The following RBFOX1 variants were observed in gnomAD, a reference collection of about 807,000 sequenced individuals.
The protein encoded by RBFOX1 is RNA binding protein fox-1 homolog 1.
A neutral mutation model predicts 57.7 loss-of-function variants in RBFOX1; 8 were observed. That is an observed-to-expected ratio of 0.14 (90% CI 0.08 to 0.25). The LOEUF (loss-of-function observed/expected upper bound fraction) is 0.25, where lower values mean the gene tolerates loss of function less well. Among genes scored for constraint, RBFOX1 ranks in the 10% least tolerant of loss-of-function variants. RBFOX1 has a pLI of 1.00. For missense variants in RBFOX1, 611 were observed against 548.5 expected, an observed-to-expected ratio of 1.11 and a Z score of -1.14; for synonymous variants, 326 against 222.4, an observed-to-expected ratio of 1.47 and a Z score of -4.15.
chr16:7,352,234 G>C (rs1037023230), intron 4 of RBFOX1, among the ~76,000 whole-genome samples: 1 of 152,168 alleles, frequency 6.6e-6, no homozygotes, highest in Non-Finnish European at 1.5e-5. Flanking sequence ...TTTCCCAAGA[G>C]GTGAACTGGA....
chr16:7,619,816 A>G (rs1337531517), intron 10 of RBFOX1, among the ~76,000 whole-genome samples: 4 of 152,158 alleles, frequency 2.6e-5, no homozygotes, highest in Non-Finnish European at 5.9e-5. Context: ...TTTAGGAACA[A>G]GCTATGACAT....
intron 4 of RBFOX1, among the ~76,000 whole-genome samples, chr16:7,192,795 A>T (rs2085747086): frequency 2.6e-5 from 4 of 152,230 alleles, no homozygotes; most frequent in African/African-American, 9.7e-5. Flanking sequence ...ATTTCAAAAT[A>T]AATACAACAT....
chr16:5,941,548 C>T (rs976273814), intron 4 of RBFOX1, among the ~76,000 whole-genome samples: 1 of 151,748 alleles, frequency 6.6e-6, no homozygotes, highest in Non-Finnish European at 1.5e-5. Context: ...ACTGAGGGTC[C>T]CATGAGAGCA....
At chr16:5,254,582 C>G (rs1238118036) in intron 1 of RBFOX1, among the ~76,000 whole-genome samples, 6 of 152,220 alleles carry the variant, frequency 3.9e-5, no homozygotes, top group Non-Finnish European at 4.4e-5. Context: ...TTGACTGCCT[C>G]TCTCTTACCT....
intron 5 of RBFOX1, among the ~76,000 whole-genome samples, chr16:7,544,255 G>A (rs985525359): frequency 1.3e-5 from 2 of 152,208 alleles, no homozygotes; most frequent in Admixed American, 6.5e-5. Flanking sequence ...CAAAGGAGAA[G>A]TGAACGTTGG....
At chr16:6,159,231 C>T (rs1427778425) in intron 1 of RBFOX1, among the ~76,000 whole-genome samples, 1 of 152,162 alleles carries the variant, frequency 6.6e-6, no homozygotes, top group Non-Finnish European at 1.5e-5. Context: ...CGCACACCAC[C>T]ACACCCAGCT....
At chr16:6,941,300 C>CTCCTTCCTTCCT (rs57110590) in intron 3 of RBFOX1, among the ~76,000 whole-genome samples, 2,292 of 79,118 alleles carry the variant, frequency 0.029, 44 homozygotes, top group East Asian at 0.061. Context: ...CCCTCCCTCC[C>CTCCTTCCTTCCT]TCCTTCCTTC....
At chr16:7,637,933 A>G (rs186362296) in intron 11 of RBFOX1, among the ~76,000 whole-genome samples, 5 of 152,350 alleles carry the variant, frequency 3.3e-5, no homozygotes, top group Non-Finnish European at 2.9e-5. Context: ...TCAAGACAGA[A>G]TAAGTTTTAT....
chr16:7,492,707 TGG>T (rs2067314727), intron 4 of RBFOX1, among the ~76,000 whole-genome samples: 2 of 852 alleles, frequency 2.3e-3, no homozygotes, highest in Non-Finnish European at 7.1e-3. Context: ...TTGGTGGTAG[TGG>T]CATGATAGTG....
chr16:7,232,381 C>T (rs1567816781), intron 4 of RBFOX1, among the ~76,000 whole-genome samples: 1 of 152,042 alleles, frequency 6.6e-6, no homozygotes. Flanking sequence ...CAAAAGATGC[C>T]TATGTCTTTA....
chr16:7,168,011 C>A (rs1049563217), intron 4 of RBFOX1, among the ~76,000 whole-genome samples: 1 of 152,044 alleles, frequency 6.6e-6, no homozygotes, highest in South Asian at 2.1e-4. Flanking sequence ...TTTAAACTTA[C>A]ATTTCAATTT....
rs149818644 is a variant in RBFOX1, at chr16:6,540,083, A to G, written c.-63-114520A>G. ...ACGTGACTTGACTTTGATGAAATAG[A>G]GAAGCAGGCTGCCCTCTGTCAGTTG... On this transcript the variant is annotated intron_variant, in intron 2 of 15. Transcript: ENST00000550418. Among the ~76,000 whole-genome samples the G allele has an allele frequency of 1.1e-3, 161 of 152,174 alleles. 2 individuals carry two copies. The highest frequency in any genetic ancestry group is 0.01 in the Middle Eastern group (3 of 294).
At chr16:6,972,110 A>AAT (rs2085691793) in intron 3 of RBFOX1, among the ~76,000 whole-genome samples, 1 of 152,236 alleles carries the variant, frequency 6.6e-6, no homozygotes, top group Non-Finnish European at 1.5e-5. Context: ...TAAAAAGCAC[A>AAT]CAACATCTAA....
At chr16:5,681,005 G>C (rs2151436126) in intron 3 of RBFOX1, among the ~76,000 whole-genome samples, 1 of 151,972 alleles carries the variant, frequency 6.6e-6, no homozygotes, top group South Asian at 2.1e-4. Flanking sequence ...AAGAAAGAAG[G>C]TAAAATGATG....
At chr16:5,617,111 C>G (rs1423873928) in intron 3 of RBFOX1, among the ~76,000 whole-genome samples, 2 of 151,918 alleles carry the variant, frequency 1.3e-5, no homozygotes, top group Non-Finnish European at 2.9e-5. Context: ...CCTTCCCTCC[C>G]TCCGTCCGTC....
intron 4 of RBFOX1, among the ~76,000 whole-genome samples, chr16:7,248,501 C>A (rs1482524941): frequency 6.6e-6 from 1 of 152,184 alleles, no homozygotes; most frequent in African/African-American, 2.4e-5. Flanking sequence ...GCTGGCTTAG[C>A]TGAATTAGGG....
chr16:6,563,077 A>G (rs1035768018), intron 2 of RBFOX1, among the ~76,000 whole-genome samples: 3 of 151,884 alleles, frequency 2.0e-5, no homozygotes, highest in South Asian at 2.1e-4. Context: ...GCCATGGAGT[A>G]TACTCACTTC....
chr16:7,439,454 T>C (rs970688663), intron 4 of RBFOX1, among the ~76,000 whole-genome samples: 1 of 152,184 alleles, frequency 6.6e-6, no homozygotes, highest in Non-Finnish European at 1.5e-5. Context: ...ATCATTTGTA[T>C]TCTTCTTGTC....
Position 5,834,691 on chromosome 16 carries a change from A to G in RBFOX1, c.319-32612A>G, listed in dbSNP as rs76136058. Among the ~76,000 whole-genome samples, 175 of 112,230 alleles carry G rather than the reference A, an allele frequency of 1.6e-3. 1 individual carries two copies. Among genetic ancestry groups the G allele is most frequent in the African/African-American group, 8.3e-3 (171 of 20,596 alleles). 73.6% of individuals were successfully genotyped at this position (112,230 alleles called of 152,430 possible). On this transcript the variant is annotated intron_variant, in intron 3 of 19. Coordinates refer to the RBFOX1 transcript ENST00000641259. ...TTGCTGGATTGAATGGGATAGGTAGATAGATAGATAGATAGATAGATAGAT... is the reference window on the plus strand; with the variant it reads ...TTGCTGGATTGAATGGGATAGGTAGGTAGATAGATAGATAGATAGATAGAT...
Sources: gnomAD v4.1 joint callset for allele counts (sites outside exome capture counted in the v4.1 genomes callset) on GRCh38, gnomAD v4.1.1 for gene constraint, MANE v1.5 for transcripts, NCBI Gene and HGNC (gene_info 2026-07-23, HGNC 2026-07-21) for gene names.